Variants in TBX18 observed in about 807,000 individuals in gnomAD.
The protein encoded by TBX18 is T-box transcription factor 18.
TBX18 carries 21 observed loss-of-function variants against 55.0 expected under a neutral mutation model. The observed-to-expected ratio is 0.38, with a 90% CI of 0.27 to 0.55. The LOEUF (loss-of-function observed/expected upper bound fraction) is 0.55. Among genes scored for constraint, TBX18 ranks in the 20% least tolerant of loss-of-function variants. The pLI is 0.73. For synonymous variants in TBX18, 342 were observed against 326.1 expected, an observed-to-expected ratio of 1.05 and a Z score of -0.53; for missense variants, 840 against 799.6, an observed-to-expected ratio of 1.05 and a Z score of -0.61.
chr6:84,745,587 G>A (rs1186159093), intron 5 of TBX18, among the ~76,000 whole-genome samples: 4 of 152,154 alleles, frequency 2.6e-5, no homozygotes, highest in African/African-American at 7.2e-5. Flanking sequence ...ATGATATAAT[G>A]AAAGGGTTTG....
At chr6:84,737,952 G>A (rs1446068735) in intron 7 of TBX18, among the ~76,000 whole-genome samples, 1 of 152,218 alleles carries the variant, frequency 6.6e-6, no homozygotes, top group Non-Finnish European at 1.5e-5. Flanking sequence ...GAAGTGAGCT[G>A]AGAGTGTTAC....
At chr6:84,746,652 T>C (rs1767201316) in intron 5 of TBX18, among the ~76,000 whole-genome samples, 1 of 147,386 alleles carries the variant, frequency 6.8e-6, no homozygotes, top group Non-Finnish European at 1.5e-5. Flanking sequence ...ATTATAATTA[T>C]GTACTATATT....
At position 84,733,855 on chromosome 6, in the gene TBX18, G is replaced by A. The variant is rs1773868288; in HGVS notation, c.*2830C>T. On this transcript the variant is annotated 3_prime_UTR_variant, in exon 8 of 8. Coordinates refer to ENST00000369663, the MANE Select transcript of TBX18 (RefSeq NM_001080508.3). ...AAAATTTTGCTAATTGATGTAAAGA[G>A]TGAGTATGATCCTTCCTTATATAGG... The A allele has an allele frequency of 6.6e-6, 1 of 152,148 alleles. No homozygotes were observed. The highest frequency in any genetic ancestry group is 2.4e-5 in the African/African-American group (1 of 41,428). 9.4% of individuals were successfully genotyped at this position (152,148 alleles called of 1,614,324 possible).
chr6:84,763,933 A>G lies in TBX18; in HGVS notation c.249T>C (p.Ser83=). 6.3e-7 allele frequency: 1 copy of G among 1,577,958 alleles called. No individual in the cohort carries two copies. ...AALPPPAGAT[S]GPARSGADLE... ...GGTCTGCGCCACTCCGAGCCGGCCC[A>G]GACGTCGCCCCAGCCGGCGGCGGGA... is the stretch of plus-strand genomic sequence containing the variant. The change falls in exon 1 of 8, where the codon TCT becomes TCC. Residue 83 remains serine, a synonymous_variant. Coordinates refer to ENST00000369663, the MANE Select transcript of TBX18 (RefSeq NM_001080508.3).
Position 84,762,768 on chromosome 6 carries a change from G to A in TBX18, c.293-20C>T. On this transcript the variant is annotated intron_variant, in intron 1 of 7. Transcript: ENST00000369663. ...AGCCGCCTGGACAGCAAAGGACAGA[G>A]AAAGGGAACTGGTGAGGGAAACAGA... The A allele has an allele frequency of 1.9e-6, 3 of 1,576,806 alleles. No individual in the cohort carries two copies. The highest frequency in any genetic ancestry group is 1.1e-5 in the South Asian group (1 of 87,908).
chr6:84,760,563 C>G (rs1767622596), intron 2 of TBX18, among the ~76,000 whole-genome samples: 1 of 152,088 alleles, frequency 6.6e-6, no homozygotes, highest in Non-Finnish European at 1.5e-5. Flanking sequence ...ACCCTGTGTA[C>G]ATGTGTTCTG....
intron 5 of TBX18, among the ~76,000 whole-genome samples, chr6:84,745,780 CA>C (rs930528271): frequency 1.3e-5 from 2 of 152,092 alleles, no homozygotes; most frequent in Admixed American, 6.5e-5. Flanking sequence ...AAAACAGAGA[CA>C]TAACACAATT....
chr6:84,738,618 TG>T (rs1161855729), intron 6 of TBX18, 27 bp from the exon 7 acceptor site: 4 of 1,573,432 alleles, frequency 2.5e-6, no homozygotes, highest in Middle Eastern at 1.8e-4. Context: ...AGGATAGGGG[TG>T]GACAAAAGAA....
chr6:84,758,891 C>T (rs1054746663), intron 3 of TBX18, among the ~76,000 whole-genome samples: 6 of 152,078 alleles, frequency 3.9e-5, no homozygotes, highest in Non-Finnish European at 5.9e-5. Flanking sequence ...AACCTGACAT[C>T]TTAATACTAA....
intron 1 of TBX18, 86 bp from the exon 2 acceptor site, chr6:84,762,834 G>T: frequency 7.5e-7 from 1 of 1,332,332 alleles, no homozygotes. Context: ...TGGTGGCTGA[G>T]AAGAGGAAAA....
At chr6:84,761,635 T>C (rs1767649675) in intron 2 of TBX18, among the ~76,000 whole-genome samples, 1 of 152,218 alleles carries the variant, frequency 6.6e-6, no homozygotes, top group Admixed American at 6.5e-5. Context: ...TGTGTGTGCT[T>C]TCTAAAGTTC....
chr6:84,743,777 C>A (rs911201143), intron 6 of TBX18, among the ~76,000 whole-genome samples: 1 of 152,092 alleles, frequency 6.6e-6, no homozygotes, highest in Non-Finnish European at 1.5e-5. Flanking sequence ...GTCAGCAGAG[C>A]CAAGACAAAT....
intron 1 of TBX18, 167 bp from the exon 2 acceptor site, chr6:84,762,915 C>T: frequency 1.5e-6 from 1 of 650,030 alleles, no homozygotes; most frequent in Non-Finnish European, 2.7e-6. Flanking sequence ...GATAGACACC[C>T]ACATTCTGCC....
rs1176905508 is a variant in TBX18 at position 84,737,205 on chromosome 6, G to A, written c.1304C>T (p.Ala435Val). The change falls in exon 8 of 8, where the codon GCA (alanine) becomes GTA (valine). Residue 435 changes from alanine (A) to valine (V), a missense_variant. Ala to Val is a moderately conservative substitution (Grantham distance 64, BLOSUM62 0). Coordinates refer to ENST00000369663, the MANE Select transcript of TBX18 (RefSeq NM_001080508.3). ...GTTGGTGAGCCTGTTGTAGGTCTCT[G>A]CCAAAGATGTGCTGTATCGGTTGAG... The part of the protein sequence containing the change: ...LTLNRYSTSL[A>V]ETYNRLTNQA... 6.2e-7 allele frequency: 1 copy of A among 1,612,468 alleles called. No individual in the cohort carries two copies. The highest frequency in any genetic ancestry group is 1.3e-5 in the African/African-American group (1 of 74,908).
At position 84,737,184 on chromosome 6, in the gene TBX18, G is replaced by A. The variant is rs1766893073; in HGVS notation, c.1325C>T (p.Thr442Ile). ...TSLAETYNRL[T>I]NQAGETFAPP... The stretch of plus-strand genomic sequence containing the variant: ...GGCAAAGGTCTCACCAGCCTGGTTG[G>A]TGAGCCTGTTGTAGGTCTCTGCCAA... Residue 442 changes from threonine to isoleucine, a missense_variant, in exon 8 of 8, where the codon ACC becomes ATC. By Grantham distance (89) the Thr-to-Ile change is moderately conservative. Coordinates refer to ENST00000369663, the MANE Select transcript of TBX18 (RefSeq NM_001080508.3). 1 of 1,613,496 alleles carries A rather than the reference G, an allele frequency of 6.2e-7. No homozygotes were observed. The highest frequency in any genetic ancestry group is 1.3e-5 in the African/African-American group (1 of 74,938).
chr6:84,739,093 A>C (rs1766973359), intron 6 of TBX18, among the ~76,000 whole-genome samples: 2 of 152,060 alleles, frequency 1.3e-5, no homozygotes, highest in South Asian at 4.2e-4. Flanking sequence ...TCCTCCAAAG[A>C]AGACTGACTT....
Position 84,740,795 on chromosome 6 carries a change from T to C in TBX18, c.1005-2204A>G, listed in dbSNP as rs188693085. ...TAATTGTAGTTTTAAATATTAAAAATACTAAAGTGATTATAGAGCAGTCTT... is the reference window on the plus strand; with the variant it reads ...TAATTGTAGTTTTAAATATTAAAAACACTAAAGTGATTATAGAGCAGTCTT... On this transcript the variant is annotated intron_variant, in intron 6 of 7. Coordinates refer to ENST00000369663, the MANE Select transcript of TBX18 (RefSeq NM_001080508.3). Among the ~76,000 whole-genome samples the C allele has an allele frequency of 1.2e-3, 187 of 152,350 alleles. 1 individual carries two copies. Among genetic ancestry groups the C allele is most frequent in the African/African-American group, 4.2e-3 (173 of 41,586 alleles).
intron 5 of TBX18, among the ~76,000 whole-genome samples, chr6:84,745,819 A>G (rs1420853105): frequency 6.6e-6 from 1 of 152,152 alleles, no homozygotes; most frequent in Non-Finnish European, 1.5e-5. Context: ...TATTACTAAC[A>G]TATGTATTGA....
intron 4 of TBX18, among the ~76,000 whole-genome samples, chr6:84,749,445 T>A (rs1767281870): frequency 6.6e-6 from 1 of 152,048 alleles, no homozygotes; most frequent in Admixed American, 6.6e-5. Flanking sequence ...CACAAGAAGA[T>A]TCTTTACTTT....
Sources: gnomAD v4.1 joint callset for allele counts (sites outside exome capture counted in the v4.1 genomes callset) on GRCh38, gnomAD v4.1.1 for gene constraint, MANE v1.5 for transcripts, NCBI Gene and HGNC (gene_info 2026-07-23, HGNC 2026-07-21) for gene names.